ABCA4: variants seen among roughly 807,000 people sequenced by gnomAD.
The protein encoded by ABCA4 is ATP binding cassette subfamily A member 4.
Under a neutral mutation model 263.7 loss-of-function variants are expected in ABCA4, and 196 were observed. That is an observed-to-expected ratio of 0.74 (90% CI 0.66 to 0.84). The LOEUF is 0.84. ABCA4 is among the 40% of genes least tolerant of loss of function. The probability of loss-of-function intolerance (pLI) is 0.00; values close to 1 mark genes in which losing one functional copy is unlikely to be tolerated. For synonymous variants in ABCA4, 1,133 were observed against 1,094.2 expected (o/e 1.04, Z -0.70); for missense variants, 2,792 against 2,855.1 (o/e 0.98, Z 0.50).
chr1:94,023,544 T>C lies in ABCA4; in HGVS notation c.4635-126A>G, dbSNP rs1215058311. The C allele has an allele frequency of 3.3e-5, 28 of 847,322 alleles. No individual in the cohort carries two copies. In the Admixed American group the frequency reaches 5.7e-4, roughly 17 times the overall value. 52.5% of individuals were successfully genotyped at this position (847,322 alleles called of 1,614,324 possible). On this transcript the variant is annotated intron_variant, in intron 31 of 49. Transcript: ENST00000370225. ...TCAGGGGCATTTTTGCATTTTCCGA[T>C]ATCCAAGCAATGCGGAAGCCGCCCA... is the stretch of plus-strand genomic sequence containing the variant.
chr1:94,029,204 A>G (rs924644984), intron 30 of ABCA4, among the ~76,000 whole-genome samples: 2 of 151,962 alleles, frequency 1.3e-5, no homozygotes, highest in African/African-American at 4.8e-5. Flanking sequence ...CATTTTTTCT[A>G]CTAGATCAAA....
intron 6 of ABCA4, among the ~76,000 whole-genome samples, chr1:94,088,716 G>A (rs1430526245): frequency 6.6e-6 from 1 of 152,128 alleles, no homozygotes; most frequent in African/African-American, 2.4e-5. Flanking sequence ...GATAGCAGAG[G>A]GTAACCAAGG....
Position 94,041,252 on chromosome 1 carries a change from A to C in ABCA4, c.3479T>G (p.Val1160Gly). Residue 1160 changes from valine to glycine, a missense_variant, in exon 23 of 50, where the codon GTG (valine) becomes GGG (glycine). By Grantham distance (109) the Val-to-Gly change is moderately radical. Transcript: ENST00000370225. ...GCTCTGGATGTTTTTCATCTTGCGC[A>C]CCAAGGTTAAGTACAAGCCTGTGCC... ...CFGTGLYLTL[V>G]RKMKNIQSQR... is the part of the protein sequence containing the mutation. The C allele has an allele frequency of 6.2e-7, 1 of 1,614,132 alleles. No individual in the cohort carries two copies. The highest frequency in any genetic ancestry group is 8.5e-7 in the Non-Finnish European group (1 of 1,180,032).
intron 35 of ABCA4, among the ~76,000 whole-genome samples, chr1:94,020,288 C>T (rs10518537): frequency 0.042 from 6,351 of 152,236 alleles, 155 homozygotes; most frequent in East Asian, 0.08. Context: ...ATTCTTTCCT[C>T]GGACAAATAG....
At position 94,042,845 on chromosome 1, in the gene ABCA4, C is replaced by T; in HGVS notation, c.3244G>A (p.Val1082Met). 6.2e-7 allele frequency: 1 copy of T among 1,614,198 alleles called. No individual in the cohort carries two copies. Among genetic ancestry groups the T allele is most frequent in the Non-Finnish European group, 8.5e-7 (1 of 1,180,034 alleles). ...GAGGTGGGTTCGTCCAGAATCACCA[C>T]CTTGGCATCTCCCACAAAGGCAATG... ...VAIAFVGDAK[V>M]VILDEPTSGV... Residue 1082 changes from valine to methionine, a missense_variant, in exon 22 of 50, where the codon GTG (valine) becomes ATG (methionine). Val to Met is a conservative substitution (Grantham distance 21). Coordinates refer to ENST00000370225, the MANE Select transcript of ABCA4 (RefSeq NM_000350.3).
chr1:94,015,044 G>A (rs1659690319), intron 37 of ABCA4, among the ~76,000 whole-genome samples: 1 of 152,138 alleles, frequency 6.6e-6, no homozygotes, highest in African/African-American at 2.4e-5. Flanking sequence ...CATCTCAGAT[G>A]AGCCCAGTGA....
intron 5 of ABCA4, 143 bp downstream of exon 5, chr1:94,102,872 T>G: frequency 1.7e-6 from 2 of 1,194,430 alleles, no homozygotes; most frequent in Non-Finnish European, 2.4e-6. Context: ...CCCCGGTTTT[T>G]TTCTAAATAC....
chr1:94,018,690 CT>C, intron 36 of ABCA4: 1 of 437,096 alleles, frequency 2.3e-6, no homozygotes, highest in Non-Finnish European at 4.5e-6. Flanking sequence ...TGAGATTTTA[CT>C]ACTCAAGACA....
intron 15 of ABCA4, 62 bp from the exon 16 acceptor site, chr1:94,055,377 C>T: frequency 6.5e-7 from 1 of 1,547,482 alleles, no homozygotes; most frequent in South Asian, 1.1e-5. Context: ...GCAACAGCAC[C>T]CAGATGCCCT....
intron 42 of ABCA4, 129 bp from the exon 43 acceptor site, chr1:94,007,869 C>CCA: frequency 1.2e-6 from 1 of 806,946 alleles, no homozygotes; most frequent in African/African-American, 1.7e-5. Context: ...AGGCCACGAG[C>CCA]CATATGTGGC....
intron 16 of ABCA4, among the ~76,000 whole-genome samples, chr1:94,053,440 C>T (rs1185465280): frequency 6.6e-6 from 1 of 152,140 alleles, no homozygotes; most frequent in African/African-American, 2.4e-5. Flanking sequence ...GAAGTGCTGT[C>T]AAGAAAAAAG....
chr1:94,007,062 G>T (rs1659409635), intron 43 of ABCA4, among the ~76,000 whole-genome samples: 1 of 152,166 alleles, frequency 6.6e-6, no homozygotes. Context: ...ATGCTCCTTG[G>T]TCTGGCAAAG....
In ABCA4 at chr1:94,080,614, G is replaced by A. The variant is rs745364081; in HGVS notation, c.963C>T (p.Asp321=). The A allele has an allele frequency of 1.2e-6, 2 of 1,614,014 alleles. No homozygotes were observed. Among genetic ancestry groups the A allele is most frequent in the Non-Finnish European group, 1.7e-6 (2 of 1,180,040 alleles). The change falls in exon 8 of 50, where the codon GAC becomes GAT. Residue 321 remains aspartate (D), a synonymous_variant. Coordinates refer to ENST00000370225, the MANE Select transcript of ABCA4 (RefSeq NM_000350.3). Reference sequence around the variant, plus strand: ...CTCCCTCGGGGTAGCCACACAGGAGGTCAGACAGGATGCCCATCAGCTTTG... The same window carrying A: ...CTCCCTCGGGGTAGCCACACAGGAGATCAGACAGGATGCCCATCAGCTTTG... ...TFTKLMGILS[D]LLCGYPEGGG...
At chr1:94,002,225 G>A (rs887355147) in intron 44 of ABCA4, among the ~76,000 whole-genome samples, 4 of 152,116 alleles carry the variant, frequency 2.6e-5, no homozygotes, top group Non-Finnish European at 5.9e-5. Flanking sequence ...GCATCTGTTG[G>A]GTGTAGCCGC....
intron 1 of ABCA4, among the ~76,000 whole-genome samples, chr1:94,114,132 CT>C (rs1163324697): frequency 1.3e-5 from 2 of 152,194 alleles, no homozygotes; most frequent in East Asian, 3.8e-4. Flanking sequence ...TCATGTAACC[CT>C]TTGTTGTTTT....
At chr1:94,037,058 T>C in intron 25 of ABCA4, 87 bp downstream of exon 25, 6 of 1,436,736 alleles carry the variant, frequency 4.2e-6, no homozygotes, top group Non-Finnish European at 5.9e-6. Context: ...CTTTTTGCTT[T>C]TACAAAACTT....
rs1300315152 is a variant in ABCA4 at position 94,008,269 on chromosome 1, A to G, written c.5864T>C (p.Val1955Ala). 1 of 1,614,048 alleles carries G rather than the reference A, an allele frequency of 6.2e-7. No homozygotes were observed. The highest frequency in any genetic ancestry group is 1.3e-5 in the African/African-American group (1 of 74,926). Residue 1955 changes from valine (V) to alanine (A), a missense_variant, in exon 42 of 50, where the codon GTG (valine) becomes GCG (alanine). Transcript: ENST00000370225. The stretch of plus-strand genomic sequence containing the variant: ...GCGAACTCCGACACACAGCCTGTCC[A>G]CTGCTGGGCTGGAGGTGCCTGGATA... ...KIYPGTSSPA[V>A]DRLCVGVRPG...
At chr1:94,043,673 T>C (rs1405265164) in intron 20 of ABCA4, among the ~76,000 whole-genome samples, 198 bp from the exon 21 acceptor site, 1 of 152,216 alleles carries the variant, frequency 6.6e-6, no homozygotes, top group Non-Finnish European at 1.5e-5. Flanking sequence ...AGTTCATGCA[T>C]ACAATGGAAT....
At position 94,111,492 on chromosome 1, in the gene ABCA4, T is replaced by C; in HGVS notation, c.248A>G (p.Gln83Arg). The change falls in exon 3 of 50, where the codon CAA becomes CGA. Residue 83 changes from glutamine (Q) to arginine (R), a missense_variant. Coordinates refer to ENST00000370225, the MANE Select transcript of ABCA4 (RefSeq NM_000350.3). ...IFCNVNNPCF[Q>R]SPTPGESPGI... ...AGGAGATTCTCCTGGGGTGGGGCTTTGAAAACAGGGATTGTTCACATTGCA... is the reference window on the plus strand; with the variant it reads ...AGGAGATTCTCCTGGGGTGGGGCTTCGAAAACAGGGATTGTTCACATTGCA... 1 of 1,614,186 alleles carries C rather than the reference T, an allele frequency of 6.2e-7. No individual in the cohort carries two copies. Among genetic ancestry groups the C allele is most frequent in the Non-Finnish European group, 8.5e-7 (1 of 1,180,012 alleles).
Sources: gnomAD v4.1 joint callset for allele counts (sites outside exome capture counted in the v4.1 genomes callset) on GRCh38, gnomAD v4.1.1 for gene constraint, MANE v1.5 for transcripts, NCBI Gene and HGNC (gene_info 2026-07-23, HGNC 2026-07-21) for gene names.